The following PTPRT variants were observed in gnomAD, a reference collection of about 807,000 sequenced individuals.
The protein encoded by PTPRT is protein tyrosine phosphatase receptor type T.
Under a neutral mutation model 176.8 loss-of-function variants are expected in PTPRT, and 56 were observed. The ratio of observed to expected loss-of-function variants is 0.32; its 90% CI spans 0.26 to 0.40. The LOEUF (loss-of-function observed/expected upper bound fraction) is 0.40, where lower values mean the gene tolerates loss of function less well. Ranked by LOEUF, PTPRT falls within the 10% of genes least tolerant of loss-of-function variation. The probability of loss-of-function intolerance (pLI) is 1.00; values close to 1 mark genes in which losing one functional copy is unlikely to be tolerated. For missense variants in PTPRT, 1,540 were observed against 1,908.2 expected, an observed-to-expected ratio of 0.81 and a Z score of 3.60; for synonymous variants, 783 against 739.0, an observed-to-expected ratio of 1.06 and a Z score of -0.96.
In PTPRT at chr20:43,044,805, A is replaced by T. The variant is rs540610541; in HGVS notation, c.88+144841T>A. Among the ~76,000 whole-genome samples the T allele has an allele frequency of 1.4e-3, 214 of 152,354 alleles. 1 individual carries two copies. The highest frequency in any genetic ancestry group is 4.3e-3 in the African/African-American group (180 of 41,590). Reference sequence around the variant, plus strand: ...ACAACTCAATAAAATATTATTGAACAGATTAAAACTTTCACACAGAATTCA... The same window carrying T: ...ACAACTCAATAAAATATTATTGAACTGATTAAAACTTTCACACAGAATTCA... On this transcript the variant is annotated intron_variant, in intron 1 of 30. Transcript: ENST00000373187.
At position 42,472,359 on chromosome 20, in the gene PTPRT, G is replaced by A. The variant is rs1371429276; in HGVS notation, c.1357C>T (p.Arg453Cys). Residue 453 changes from arginine (R) to cysteine (C), a missense_variant, in exon 8 of 31, where the codon CGC (arginine) becomes TGC (cysteine). Arg to Cys is a radical substitution (Grantham distance 180, BLOSUM62 -3). This residue lies in a region of PTPRT where 79 missense variants were observed against 80.0 expected (regional missense o/e 0.99). Coordinates refer to ENST00000373187, the MANE Select transcript of PTPRT (RefSeq NM_007050.6). ...TSSHYTLRGL[R>C]PFMTIRLRLL... ...CGCAGCCGGATGGTCATGAAGGGGC[G>A]CAGGCCTCGCAGGGTGTAGTGGGAG... 7 of 1,614,090 alleles carry A rather than the reference G, an allele frequency of 4.3e-6. No homozygotes were observed. The highest frequency in any genetic ancestry group is 2.7e-5 in the African/African-American group (2 of 74,930).
chr20:43,045,202 G>C (rs888526909), intron 1 of PTPRT, among the ~76,000 whole-genome samples: 2 of 152,202 alleles, frequency 1.3e-5, no homozygotes, highest in Non-Finnish European at 2.9e-5. Context: ...AGTCCAAAGG[G>C]TAGAGGATTT....
intron 7 of PTPRT, among the ~76,000 whole-genome samples, chr20:42,537,024 A>G (rs940520737): frequency 2.0e-5 from 3 of 152,210 alleles, no homozygotes; most frequent in African/African-American, 7.2e-5. Flanking sequence ...TCATGTAATA[A>G]AAAGAATTGG....
intron 17 of PTPRT, among the ~76,000 whole-genome samples, chr20:42,154,669 C>T (rs1245130789): frequency 6.6e-6 from 1 of 152,198 alleles, no homozygotes; most frequent in Non-Finnish European, 1.5e-5. Flanking sequence ...TGTGCTTCTT[C>T]CTTCTCTCCC....
intron 12 of PTPRT, among the ~76,000 whole-genome samples, chr20:42,311,377 A>G (rs1046426931): frequency 3.3e-5 from 5 of 152,192 alleles, no homozygotes; most frequent in Non-Finnish European, 7.4e-5. Context: ...CCACTCTGTT[A>G]ACCTGACAAA....
intron 9 of PTPRT, among the ~76,000 whole-genome samples, chr20:42,355,362 T>C (rs1278551359): frequency 6.6e-6 from 1 of 152,214 alleles, no homozygotes; most frequent in South Asian, 2.1e-4. Flanking sequence ...CTTAAACTTC[T>C]TGGCAAACTG....
In PTPRT at chr20:42,077,813, A is replaced by ATTT. The variant is rs3084621; in HGVS notation, c.*3063_*3065dup. ...CTGGGTTACCCCAACATGGCCTGAG[A>ATTT]TTTTTTTTTTTTGCAAGTTTGTTTC... is the stretch of plus-strand genomic sequence containing the variant. On this transcript the variant is annotated 3_prime_UTR_variant, in exon 31 of 31. Transcript: ENST00000373187. 0.015 allele frequency: 2,732 copies of ATTT among 180,428 alleles called. 3 individuals carry two copies. Among genetic ancestry groups the ATTT allele is most frequent in the East Asian group, 0.072 (789 of 10,886 alleles). The allele number at this position is 180,428 out of a possible 1,614,324, so 11.2% of individuals were successfully genotyped here. A position where few individuals can be genotyped will look rare whatever the true frequency, so the allele number is the denominator to read the frequency against.
chr20:42,957,150 C>T (rs1440724020), intron 1 of PTPRT, among the ~76,000 whole-genome samples: 2 of 152,120 alleles, frequency 1.3e-5, no homozygotes, highest in Admixed American at 1.3e-4. Context: ...TGCCGGAACT[C>T]CCCAGCTCAT....
chr20:42,608,769 C>T lies in PTPRT; in HGVS notation c.1153+69097G>A, dbSNP rs568136816. Among the ~76,000 whole-genome samples, 6 of 152,286 alleles carry T rather than the reference C, an allele frequency of 3.9e-5. No individual in the cohort carries two copies. The South Asian group carries it at 6.2e-4, about 16-fold the overall frequency. ...CTTGCCATGGGGTCCAGGCTTCTCA[C>T]CGCATACAGAGTGAGTTCTGAAGGA... On this transcript the variant is annotated intron_variant, in intron 7 of 30. Transcript: ENST00000373187.
intron 1 of PTPRT, among the ~76,000 whole-genome samples, chr20:43,083,355 T>TATATATAC (rs1568774243): frequency 1.6e-5 from 2 of 127,320 alleles, no homozygotes; most frequent in South Asian, 2.4e-4. Context: ...TATATATATA[T>TATATATAC]ATATATATAT....
chr20:42,189,353 A>G (rs1990903600), intron 16 of PTPRT, among the ~76,000 whole-genome samples: 1 of 152,188 alleles, frequency 6.6e-6, no homozygotes, highest in Non-Finnish European at 1.5e-5. Context: ...TTTCTGGGAC[A>G]CTATACACAC....
intron 1 of PTPRT, among the ~76,000 whole-genome samples, chr20:42,991,613 G>A (rs1983918106): frequency 6.6e-6 from 1 of 151,998 alleles, no homozygotes; most frequent in Admixed American, 6.6e-5. Context: ...TTTGGGGGAT[G>A]ATGAAAAAGT....
chr20:43,138,337 C>T (rs1475513527), intron 1 of PTPRT, among the ~76,000 whole-genome samples: 1 of 152,238 alleles, frequency 6.6e-6, no homozygotes, highest in African/African-American at 2.4e-5. Flanking sequence ...GGCTGGAACA[C>T]CCGGGCTGCC....
At chr20:42,639,987 A>C in intron 7 of PTPRT, among the ~76,000 whole-genome samples, 1 of 152,142 alleles carries the variant, frequency 6.6e-6, no homozygotes. Flanking sequence ...GCCATCTGTC[A>C]GCAGCTATGG....
At chr20:42,275,951 C>A (rs996411125) in intron 13 of PTPRT, among the ~76,000 whole-genome samples, 6 of 152,148 alleles carry the variant, frequency 3.9e-5, no homozygotes, top group African/African-American at 1.4e-4. Flanking sequence ...ACAGTCTGAG[C>A]TTTCACCTCC....
intron 6 of PTPRT, among the ~76,000 whole-genome samples, chr20:42,740,742 C>T (rs2076596736): frequency 6.6e-6 from 1 of 152,190 alleles, no homozygotes; most frequent in Non-Finnish European, 1.5e-5. Flanking sequence ...CCTGAGGCAA[C>T]TGTCTGCTGT....
chr20:43,126,858 C>T (rs1667245839), intron 1 of PTPRT, among the ~76,000 whole-genome samples: 1 of 152,122 alleles, frequency 6.6e-6, no homozygotes, highest in African/African-American at 2.4e-5. Context: ...TAGTAAACAT[C>T]CATAGAGTGC....
intron 1 of PTPRT, among the ~76,000 whole-genome samples, chr20:43,160,935 G>T (rs896584765): frequency 1.3e-4 from 19 of 145,474 alleles, no homozygotes; most frequent in African/African-American, 4.8e-4. Context: ...AAAAAAAAAC[G>T]TAGAGACAAG....
chr20:42,239,510 C>T lies in PTPRT; in HGVS notation c.2313-3252G>A, dbSNP rs541514170. 6.6e-5 allele frequency among the ~76,000 whole-genome samples: 10 copies of T among 150,820 alleles called. No homozygotes were observed. The South Asian group carries it at 2.1e-3, about 32-fold the overall frequency. On this transcript the variant is annotated intron_variant, in intron 14 of 30. Transcript: ENST00000373187. ...TGATCTCGGCTCACTGCAAGCTCCACCTCCCGGGTCCACGCCATTCTCCTG... is the reference window on the plus strand; with the variant it reads ...TGATCTCGGCTCACTGCAAGCTCCATCTCCCGGGTCCACGCCATTCTCCTG...
Sources: gnomAD v4.1 joint callset for allele counts (sites outside exome capture counted in the v4.1 genomes callset) on GRCh38, gnomAD v4.1.1 for gene constraint, gnomAD v4.1.1 regional missense constraint, MANE v1.5 for transcripts, NCBI Gene and HGNC (gene_info 2026-07-23, HGNC 2026-07-21) for gene names.